Variants in DLGAP2 observed in about 807,000 individuals in gnomAD.
DLGAP2 encodes DLG associated protein 2.
In DLGAP2, 26 loss-of-function variants were observed where a neutral mutation model predicts 100.3. The observed-to-expected ratio is 0.26, with a 90% CI of 0.19 to 0.36. The LOEUF (loss-of-function observed/expected upper bound fraction) is 0.36. Ranked by LOEUF, DLGAP2 falls within the 10% of genes least tolerant of loss-of-function variation. DLGAP2 has a pLI of 1.00. For missense variants in DLGAP2, 1,858 were observed against 1,453.2 expected (o/e 1.28, Z -4.53); for synonymous variants, 886 against 630.1 (o/e 1.41, Z -6.08).
chr8:1,624,417 G>A (rs756524275), intron 6 of DLGAP2, among the ~76,000 whole-genome samples: 7 of 151,828 alleles, frequency 4.6e-5, no homozygotes, highest in Admixed American at 2.0e-4. Flanking sequence ...TCGGGGCTTC[G>A]TCCGCTGCAC....
rs561501469 is a variant in DLGAP2 at position 1,640,300 on chromosome 8, G to A, written c.1810+7254G>A. On this transcript the variant is annotated intron_variant, in intron 8 of 14. Coordinates refer to ENST00000637795, the MANE Select transcript of DLGAP2 (RefSeq NM_001346810.2). ...CTGGGAAGCCCAGGTGTGCTGCCCC[G>A]TGGGTCCTCAGTGTCAGACCTGCTG... Among the ~76,000 whole-genome samples the A allele has an allele frequency of 2.7e-5, 4 of 149,794 alleles. No homozygotes were observed. In the South Asian group the frequency reaches 6.4e-4, roughly 24 times the overall value.
At position 1,287,684 on chromosome 8, in the gene DLGAP2, G is replaced by A. The variant is rs1419887950; in HGVS notation, c.106+28801G>A. On this transcript the variant is annotated intron_variant, in intron 3 of 14. Coordinates refer to ENST00000637795, the MANE Select transcript of DLGAP2 (RefSeq NM_001346810.2). Reference sequence around the variant, plus strand: ...TATGGTTCTGTTAGGAGGGGAACTAGTTTCGGTTCAGTGTGTGTGTGTGTG... The same window carrying A: ...TATGGTTCTGTTAGGAGGGGAACTAATTTCGGTTCAGTGTGTGTGTGTGTG... Among the ~76,000 whole-genome samples the A allele has an allele frequency of 1.9e-3, 227 of 122,134 alleles. 18 individuals are homozygous for A. In the East Asian group the frequency reaches 0.041, roughly 22 times the overall value. 80.1% of individuals were successfully genotyped at this position (122,134 alleles called of 152,430 possible).
At chr8:1,438,992 A>T (rs1214354037) in intron 3 of DLGAP2, among the ~76,000 whole-genome samples, 2 of 152,226 alleles carry the variant, frequency 1.3e-5, no homozygotes, top group Non-Finnish European at 2.9e-5. Flanking sequence ...ATAGCTTCTT[A>T]TGAAGAAACA....
intron 2 of DLGAP2, among the ~76,000 whole-genome samples, chr8:1,102,027 C>G (rs1321178641): frequency 2.0e-5 from 3 of 151,876 alleles, no homozygotes; most frequent in Non-Finnish European, 4.4e-5. Context: ...AAGCAGCCAG[C>G]ATATTGTATT....
intron 1 of DLGAP2, among the ~76,000 whole-genome samples, chr8:899,038 G>C (rs1025494448): frequency 2.0e-5 from 3 of 152,238 alleles, no homozygotes; most frequent in African/African-American, 7.2e-5. Flanking sequence ...GCCAGTGGAA[G>C]TGTGAAGACC....
At chr8:1,191,931 G>A (rs1390061521) in intron 2 of DLGAP2, among the ~76,000 whole-genome samples, 2 of 152,118 alleles carry the variant, frequency 1.3e-5, no homozygotes, top group Admixed American at 6.5e-5. Flanking sequence ...CCTCAACTAC[G>A]GCCATTGTTT....
At chr8:1,638,543 C>T (rs1797822860) in intron 8 of DLGAP2, among the ~76,000 whole-genome samples, 1 of 152,166 alleles carries the variant, frequency 6.6e-6, no homozygotes, top group South Asian at 2.1e-4. Flanking sequence ...CCCGGCCGTA[C>T]TGCAGAAGAG....
At chr8:1,147,336 AT>A (rs1381201999) in intron 2 of DLGAP2, among the ~76,000 whole-genome samples, 10 of 152,172 alleles carry the variant, frequency 6.6e-5, no homozygotes, top group African/African-American at 2.4e-4. Flanking sequence ...ATGGAAATAC[AT>A]TTTTTATTAA....
intron 3 of DLGAP2, among the ~76,000 whole-genome samples, chr8:1,489,601 G>T (rs1437718886): frequency 2.6e-5 from 4 of 152,216 alleles, no homozygotes; most frequent in Non-Finnish European, 5.9e-5. Flanking sequence ...TAGGCATACA[G>T]GTTGGTGGGA....
At chr8:1,387,946 G>A (rs940328621) in intron 3 of DLGAP2, among the ~76,000 whole-genome samples, 1 of 152,236 alleles carries the variant, frequency 6.6e-6, no homozygotes, top group Non-Finnish European at 1.5e-5. Context: ...GTTACGGGTG[G>A]GTTAGCGATC....
At chr8:1,379,252 C>G (rs1796034532) in intron 3 of DLGAP2, among the ~76,000 whole-genome samples, 1 of 152,258 alleles carries the variant, frequency 6.6e-6, no homozygotes, top group Non-Finnish European at 1.5e-5. Flanking sequence ...AGTGCCGGCT[C>G]TGTGCCAGGC....
intron 3 of DLGAP2, among the ~76,000 whole-genome samples, chr8:1,383,077 T>C (rs898807431): frequency 3.3e-5 from 5 of 152,260 alleles, no homozygotes; most frequent in East Asian, 3.8e-4. Context: ...CTCAGGTGGA[T>C]GTGCATCGCC....
chr8:767,316 G>C (rs1821239209), intron 1 of DLGAP2, among the ~76,000 whole-genome samples: 1 of 150,436 alleles, frequency 6.6e-6, no homozygotes, highest in Admixed American at 6.6e-5. Context: ...AAAGGCACAG[G>C]TACAGGTGTT....
chr8:951,701 C>T (rs1799484209), intron 2 of DLGAP2, among the ~76,000 whole-genome samples: 1 of 152,166 alleles, frequency 6.6e-6, no homozygotes, highest in South Asian at 2.1e-4. Context: ...TCCAGGTGCT[C>T]CTTGCAGGCA....
intron 2 of DLGAP2, among the ~76,000 whole-genome samples, chr8:986,980 G>A (rs1413130893): frequency 6.6e-6 from 1 of 152,150 alleles, no homozygotes; most frequent in African/African-American, 2.4e-5. Context: ...TAGTAATGTG[G>A]TATCATTTAA....
At chr8:950,920 G>C (rs550161037) in intron 2 of DLGAP2, among the ~76,000 whole-genome samples, 1 of 151,876 alleles carries the variant, frequency 6.6e-6, no homozygotes, top group Non-Finnish European at 1.5e-5. Context: ...CACCGCGCTC[G>C]GCCCTAGAAT....
At chr8:1,133,996 C>T (rs1225195108) in intron 2 of DLGAP2, among the ~76,000 whole-genome samples, 1 of 151,776 alleles carries the variant, frequency 6.6e-6, no homozygotes, top group East Asian at 1.9e-4. Flanking sequence ...TCCCCCTCCT[C>T]CCCCCTCCAC....
intron 2 of DLGAP2, among the ~76,000 whole-genome samples, chr8:1,079,884 G>T (rs1285664758): frequency 6.6e-6 from 1 of 152,246 alleles, no homozygotes; most frequent in Non-Finnish European, 1.5e-5. Flanking sequence ...GTGGCAGGCA[G>T]CTGGGGCCGC....
chr8:802,106 A>C (rs62488813), intron 1 of DLGAP2, among the ~76,000 whole-genome samples: 1 of 19,942 alleles, frequency 5.0e-5, no homozygotes, highest in Non-Finnish European at 1.1e-4. Context: ...GGAATGGTCC[A>C]CACACCTCCT....
Sources: allele counts gnomAD v4.1 joint callset (sites outside exome capture counted in the v4.1 genomes callset), GRCh38; gene constraint gnomAD v4.1.1; transcripts MANE v1.5; gene names NCBI Gene and HGNC (gene_info 2026-07-23, HGNC 2026-07-21).